OTOGL: variants seen among roughly 807,000 people sequenced by gnomAD.
OTOGL encodes otogelin like.
Under a neutral mutation model 318.5 loss-of-function variants are expected in OTOGL, and 285 were observed. The ratio of observed to expected loss-of-function variants is 0.89; its 90% CI spans 0.81 to 0.99. The LOEUF (loss-of-function observed/expected upper bound fraction) is 0.99, where lower values mean the gene tolerates loss of function less well. OTOGL is among the 50% of genes least tolerant of loss of function. The pLI, the probability that OTOGL is intolerant of heterozygous loss-of-function variation, is 0.00. For synonymous variants in OTOGL, 987 were observed against 936.5 expected (o/e 1.05, Z -0.99); for missense variants, 2,899 against 2,845.6 (o/e 1.02, Z -0.43).
In OTOGL at chr12:80,277,354, A is replaced by G. The variant is rs970540160; in HGVS notation, c.2682-814A>G. Among the ~76,000 whole-genome samples the G allele has an allele frequency of 2.0e-5, 3 of 147,510 alleles. No individual in the cohort carries two copies. The Admixed American group carries it at 2.0e-4, about 10-fold the overall frequency. On this transcript the variant is annotated intron_variant, in intron 24 of 58. Transcript: ENST00000547103. ...ATATTGAAATATATATTTATATTAA[A>G]TGATTTGATGTTATATGTAATATAT...
intron 19 of OTOGL, among the ~76,000 whole-genome samples, chr12:80,263,977 T>G (rs1335810724): frequency 6.6e-6 from 1 of 152,132 alleles, no homozygotes; most frequent in Non-Finnish European, 1.5e-5. Context: ...ATATACATTC[T>G]GAATGCAAAA....
intron 1 of OTOGL, among the ~76,000 whole-genome samples, chr12:80,146,386 C>A (rs12231893): frequency 0.47 from 69,523 of 148,974 alleles, 16,388 homozygotes; most frequent in African/African-American, 0.51. Flanking sequence ...ATTGAACCAG[C>A]CTTGCATCCC....
intron 57 of OTOGL, among the ~76,000 whole-genome samples, chr12:80,376,288 A>G (rs1451490501): frequency 1.3e-5 from 2 of 152,122 alleles, no homozygotes; most frequent in Non-Finnish European, 2.9e-5. Flanking sequence ...TTAGGATTTC[A>G]TGGCTAAATG....
intron 1 of OTOGL, among the ~76,000 whole-genome samples, chr12:80,135,317 G>T (rs906015300): frequency 3.4e-5 from 4 of 118,914 alleles, no homozygotes; most frequent in African/African-American, 1.3e-4. Flanking sequence ...CTATCACCCA[G>T]GCTACAGTGC....
intron 1 of OTOGL, among the ~76,000 whole-genome samples, chr12:80,160,312 A>G (rs976894740): frequency 2.6e-5 from 4 of 152,164 alleles, no homozygotes; most frequent in African/African-American, 9.6e-5. Flanking sequence ...CAACCCAAAG[A>G]GTGGAAGAAA....
chr12:80,265,189 AG>A lies in OTOGL; in HGVS notation c.2204del (p.Arg735LysfsTer95). On this transcript the variant is annotated frameshift_variant, in exon 20 of 59. Transcript: ENST00000547103. LOFTEE classifies it high-confidence loss of function. ...CCAGCACGGTGTTCCCATTGATTTC[AG>A]AACTCAGATTTCTTTCTGTGGTGAG... ...CGQHGVPIDF[R>X]TQISFCAVVC... The A allele has an allele frequency of 6.2e-7, 1 of 1,613,696 alleles. No individual in the cohort carries two copies. The highest frequency in any genetic ancestry group is 8.5e-7 in the Non-Finnish European group (1 of 1,179,786).
At chr12:80,243,024 G>C (rs1424654400) in intron 11 of OTOGL, among the ~76,000 whole-genome samples, 1 of 149,330 alleles carries the variant, frequency 6.7e-6, no homozygotes, top group Non-Finnish European at 1.5e-5. Flanking sequence ...TGAAAACCAA[G>C]ATTTTTTTTT....
intron 23 of OTOGL, among the ~76,000 whole-genome samples, 185 bp from the exon 24 acceptor site, chr12:80,271,463 T>TA (rs1181805257): frequency 6.6e-6 from 1 of 152,158 alleles, no homozygotes; most frequent in Non-Finnish European, 1.5e-5. Context: ...TATGAATTAA[T>TA]AAAAATATCT....
chr12:80,374,131 A>G (rs939827103), intron 57 of OTOGL, among the ~76,000 whole-genome samples: 1 of 152,182 alleles, frequency 6.6e-6, no homozygotes, highest in Non-Finnish European at 1.5e-5. Context: ...TCCAAAACCA[A>G]GATGTCAGCA....
rs764511907 is a variant in OTOGL, at chr12:80,279,035, C to T, written c.2797C>T (p.Arg933Ter). The T allele has an allele frequency of 3.1e-5, 44 of 1,433,152 alleles. No individual in the cohort carries two copies. Among genetic ancestry groups the T allele is most frequent in the Non-Finnish European group, 3.8e-5 (41 of 1,071,688 alleles). 88.8% of individuals were successfully genotyped at this position (1,433,152 alleles called of 1,614,324 possible). A position where few individuals can be genotyped will look rare whatever the true frequency, so the allele number is the denominator to read the frequency against. ...TTTGTTATTTTTTAATAGCGTTTGT[C>T]GACGAGGAATGTTCAATTGCACATA... ...IATPCYTCVCRRGMFNCTYYP... is the reference protein window; with the variant it reads ...IATPCYTCVC The change falls in exon 26 of 59, where the codon CGA (arginine) becomes TGA (stop). Residue 933 changes from arginine (R) to a stop codon, truncating the protein, a stop_gained. Transcript: ENST00000547103. LOFTEE classifies it high-confidence loss of function.
intron 1 of OTOGL, among the ~76,000 whole-genome samples, chr12:80,115,748 C>T (rs1035285431): frequency 4.6e-5 from 7 of 152,150 alleles, no homozygotes; most frequent in Admixed American, 1.3e-4. Flanking sequence ...GATGCCCTTC[C>T]CAGAGAAAAG....
intron 1 of OTOGL, among the ~76,000 whole-genome samples, chr12:80,183,443 T>A (rs1875069807): frequency 6.6e-6 from 1 of 152,218 alleles, no homozygotes; most frequent in Non-Finnish European, 1.5e-5. Flanking sequence ...GTCTATCACC[T>A]ACTAAAATGG....
At chr12:80,307,788 G>T (rs1411349731) in intron 29 of OTOGL, among the ~76,000 whole-genome samples, 3 of 135,842 alleles carry the variant, frequency 2.2e-5, no homozygotes, top group South Asian at 2.4e-4. Context: ...CCGGGCAGAG[G>T]GGCTCCTCAC....
chr12:80,310,723 A>G lies in OTOGL; in HGVS notation c.3446A>G (p.Asn1149Ser). 1.3e-6 allele frequency: 2 copies of G among 1,546,096 alleles called. No homozygotes were observed. Among genetic ancestry groups the G allele is most frequent in the Non-Finnish European group, 1.8e-6 (2 of 1,131,444 alleles). ...AGTGATATTTTTGCTTCTTGTCGCA[A>G]TGTGGTAAATGAATACTTTAATGAA... ...LYSDIFASCR[N>S]VIDVTSFAKN... Residue 1149 changes from asparagine (N) to serine (S), a missense_variant, in exon 30 of 59, where the codon AAT (asparagine) becomes AGT (serine). Transcript: ENST00000547103.
intron 18 of OTOGL, among the ~76,000 whole-genome samples, chr12:80,259,630 G>A (rs1320800994): frequency 6.6e-6 from 1 of 151,944 alleles, no homozygotes; most frequent in Non-Finnish European, 1.5e-5. Flanking sequence ...AGAACATGCG[G>A]TGATTGGTTT....
In OTOGL at chr12:80,278,054, C is replaced by T. The variant is rs11114382; in HGVS notation, c.2682-114C>T. ...TCTCCTCAGTAGGTTAGATAGAGTGCCTTAGACAGCTCTAATAAATATAGA... is the reference window on the plus strand; with the variant it reads ...TCTCCTCAGTAGGTTAGATAGAGTGTCTTAGACAGCTCTAATAAATATAGA... On this transcript the variant is annotated intron_variant, in intron 24 of 58. Coordinates refer to ENST00000547103, the MANE Select transcript of OTOGL (RefSeq NM_001378609.3). The T allele has an allele frequency of 0.061, 49,613 of 813,288 alleles. 2,315 individuals carry two copies. The highest frequency in any genetic ancestry group is 0.2 in the African/African-American group (11,503 of 58,246). 50.4% of individuals were successfully genotyped at this position (813,288 alleles called of 1,614,324 possible).
intron 26 of OTOGL, among the ~76,000 whole-genome samples, chr12:80,286,350 T>G (rs369679901): frequency 1.3e-5 from 2 of 152,192 alleles, no homozygotes. Context: ...TTGTTGTGTT[T>G]CTGCCGGGTT....
At chr12:80,151,561 CA>C (rs895718711) in intron 1 of OTOGL, among the ~76,000 whole-genome samples, 11 of 152,000 alleles carry the variant, frequency 7.2e-5, no homozygotes, top group African/African-American at 2.7e-4. Context: ...GAGTTCTATC[CA>C]AAAAAAGGAT....
At chr12:80,322,369 C>A (rs572177242) in intron 34 of OTOGL, among the ~76,000 whole-genome samples, 1 of 152,146 alleles carries the variant, frequency 6.6e-6, no homozygotes, top group Non-Finnish European at 1.5e-5. Flanking sequence ...TAGAGAACTG[C>A]AGCACATGGC....
Sources: allele counts gnomAD v4.1 joint callset (sites outside exome capture counted in the v4.1 genomes callset), GRCh38; gene constraint gnomAD v4.1.1; transcripts MANE v1.5; gene names NCBI Gene and HGNC (gene_info 2026-07-23, HGNC 2026-07-21).